ING1: variants seen among roughly 807,000 people sequenced by gnomAD.
ING1 encodes inhibitor of growth protein 1.
ING1 carries 4 observed loss-of-function variants against 23.1 expected under a neutral mutation model. The observed-to-expected ratio is 0.17, with a 90% confidence interval of 0.09 to 0.40. The LOEUF (loss-of-function observed/expected upper bound fraction) is 0.40, where lower values mean the gene tolerates loss of function less well. Among genes scored for constraint, ING1 ranks in the 10% least tolerant of loss-of-function variants. ING1 has a pLI of 1.00. For missense variants in ING1, 256 were observed against 393.8 expected (o/e 0.65, Z 2.96); for synonymous variants, 179 against 166.4 (o/e 1.08, Z -0.58).
rs749470681 is a variant in ING1, at chr13:110,715,857, AT to A, written c.136+1575del. On this transcript the variant is annotated intron_variant, in intron 1 of 1. Transcript: ENST00000333219. Reference sequence around the variant, plus strand: ...TCAGCCCGGCCACTTTCGGGCGCGGATTTATAGCAGTAGCAGTGATCCCGGG... The same window carrying A: ...TCAGCCCGGCCACTTTCGGGCGCGGATTATAGCAGTAGCAGTGATCCCGGG... 4.1e-5 allele frequency: 65 copies of A among 1,595,260 alleles called. No individual in the cohort carries two copies. The Middle Eastern group carries it at 8.8e-4, about 21-fold the overall frequency.
intron 1 of ING1, 118 bp downstream of exon 1, chr13:110,714,403 C>A: frequency 2.0e-6 from 2 of 1,015,550 alleles, no homozygotes; most frequent in Non-Finnish European, 2.6e-6. Flanking sequence ...TCCGCAGCGG[C>A]GGCCCTCGGC....
At chr13:110,718,711 A>T (rs1423818420) in intron 1 of ING1, among the ~76,000 whole-genome samples, 2 of 151,844 alleles carry the variant, frequency 1.3e-5, no homozygotes, top group African/African-American at 4.8e-5. Context: ...AAATATTCAA[A>T]TAATTTATAA....
At chr13:110,713,453 C>T, upstream of ING1, 5 of 991,528 alleles carry the variant, frequency 5.0e-6, no homozygotes, top group Non-Finnish European at 6.0e-6. Flanking sequence ...AAAGTTTGCG[C>T]CTCGCCCGCC....
At position 110,721,864 on chromosome 13, in the gene ING1, G is replaced by A. The variant is rs1229555735; in HGVS notation, c.*1932G>A. On this transcript the variant is annotated 3_prime_UTR_variant, in exon 2 of 2. Transcript: ENST00000333219. ...TGGGATTACAGGCGTGAGCCACCGT[G>A]CGCTGAGTGATACGTGGTTCCCTTT... The A allele has an allele frequency of 6.6e-6, 1 of 152,200 alleles. No individual in the cohort carries two copies. Among genetic ancestry groups the A allele is most frequent in the Non-Finnish European group, 1.5e-5 (1 of 68,064 alleles). 9.4% of individuals were successfully genotyped at this position (152,200 alleles called of 1,614,324 possible). A position where few individuals can be genotyped will look rare whatever the true frequency, so the allele number is the denominator to read the frequency against.
chr13:110,715,917 C>G lies in ING1; in HGVS notation c.136+1632C>G, dbSNP rs780325410. 6 of 1,573,088 alleles carry G rather than the reference C, an allele frequency of 3.8e-6. No individual in the cohort carries two copies. The highest frequency in any genetic ancestry group is 4.3e-6 in the Non-Finnish European group (5 of 1,166,136). The stretch of plus-strand genomic sequence containing the variant: ...CTCGGGGCCGGGGCTGCAGTTCGGA[C>G]CGCCTCCCGCGACCCGCGGGGCCGG... On this transcript the variant is annotated intron_variant, in intron 1 of 1. Transcript: ENST00000333219.
chr13:110,714,395 C>G, intron 1 of ING1, 110 bp downstream of exon 1: 1 of 1,086,984 alleles, frequency 9.2e-7, no homozygotes, highest in Non-Finnish European at 1.2e-6. Flanking sequence ...CGGCCGGCTC[C>G]GCAGCGGCGG....
rs758358823 is a variant in ING1, at chr13:110,716,049, G to A, written c.136+1764G>A. 10 of 1,475,184 alleles carry A rather than the reference G, an allele frequency of 6.8e-6. No homozygotes were observed. In the South Asian group the frequency reaches 1.3e-4, roughly 18 times the overall value. 91.4% of individuals were successfully genotyped at this position (1,475,184 alleles called of 1,614,324 possible). ...TGCGTCCACGAGGGGGACCCTCGGC[G>A]CAGAAACTTTTCTGGAAGGTGCTGT... On this transcript the variant is annotated intron_variant, in intron 1 of 1. Transcript: ENST00000333219.
rs2064150369 is a variant in ING1 at position 110,719,249 on chromosome 13, G to A, written c.157G>A (p.Glu53Lys). Residue 53 changes from glutamate to lysine, a missense_variant, in exon 2 of 2, where the codon GAG becomes AAG. Glu to Lys is a moderately conservative substitution (Grantham distance 56). Around this residue, in one of 3 missense-constraint regions of ING1, gnomAD observed 209 missense variants for 273.8 expected, o/e 0.76. Transcript: ENST00000333219. The surrounding 1 kb of genome is among the most constrained non-coding windows in gnomAD (Gnocchi z 8.9). Reference sequence around the variant, plus strand: ...CCCAGAGATCCTGAAGGAGCTAGACGAGTGCTACGAGCGCTTCAGTCGCGA... The same window carrying A: ...CCCAGAGATCCTGAAGGAGCTAGACAAGTGCTACGAGCGCTTCAGTCGCGA... ...KYQEILKELDECYERFSRETD... is the reference protein window; with the variant it reads ...KYQEILKELDKCYERFSRETD... The A allele has an allele frequency of 6.2e-7, 1 of 1,613,170 alleles. No individual in the cohort carries two copies. Among genetic ancestry groups the A allele is most frequent in the Non-Finnish European group, 8.5e-7 (1 of 1,179,946 alleles).
At chr13:110,717,602 G>A (rs1488528987) in intron 1 of ING1, among the ~76,000 whole-genome samples, 1 of 152,144 alleles carries the variant, frequency 6.6e-6, no homozygotes. Flanking sequence ...CGAGGCGGGC[G>A]GATCACCTGA....
chr13:110,714,074 G>C lies in ING1; in HGVS notation c.-76G>C. The C allele has an allele frequency of 7.0e-7, 1 of 1,437,242 alleles. No individual in the cohort carries two copies. The highest frequency in any genetic ancestry group is 9.2e-7 in the Non-Finnish European group (1 of 1,091,466). 89.0% of individuals were successfully genotyped at this position (1,437,242 alleles called of 1,614,324 possible). A position where few individuals can be genotyped will look rare whatever the true frequency, so the allele number is the denominator to read the frequency against. On this transcript the variant is annotated 5_prime_UTR_variant, in exon 1 of 2. Transcript: ENST00000333219. ...GAGCGAGGGCTTTGCATTTTGCAGT[G>C]CTATTTTTTGAGGGGGGCGGGGGGT...
Position 110,715,316 on chromosome 13 carries a change from C to T in ING1, c.136+1031C>T, listed in dbSNP as rs944846035. 28 of 1,429,532 alleles carry T rather than the reference C, an allele frequency of 2.0e-5. No homozygotes were observed. The African/African-American group carries it at 2.6e-4, about 13-fold the overall frequency. 88.6% of individuals were successfully genotyped at this position (1,429,532 alleles called of 1,614,324 possible). A position where few individuals can be genotyped will look rare whatever the true frequency, so the allele number is the denominator to read the frequency against. ...AAATTGACCGCTATCCCCGAAAGTA[C>T]TAGACGCCTCTGCCGGGAAGGCGCC... On this transcript the variant is annotated intron_variant, in intron 1 of 1. Coordinates refer to ENST00000333219, the MANE Select transcript of ING1 (RefSeq NM_198219.3).
chr13:110,713,011 AAAG>A, upstream of ING1: 1 of 1,530,204 alleles, frequency 6.5e-7, no homozygotes, highest in African/African-American at 1.4e-5. Context: ...GCCGCAGCTC[AAAG>A]GACACCGAGA....
intron 1 of ING1, among the ~76,000 whole-genome samples, chr13:110,714,580 C>T (rs1021508228): frequency 5.3e-5 from 7 of 132,316 alleles, no homozygotes; most frequent in Non-Finnish European, 8.1e-5. Flanking sequence ...GGGGAGGGGG[C>T]GGCGGGTCCA....
rs1318662044 is a variant in ING1, at chr13:110,715,744, G to A, written c.136+1459G>A. On this transcript the variant is annotated intron_variant, in intron 1 of 1. Coordinates refer to ENST00000333219, the MANE Select transcript of ING1 (RefSeq NM_198219.3). ...CAAATCGGCGATTCCCATAGGCGGC[G>A]GCTCTCGGGGTGCGGGGCGAGTCTC... 1.9e-6 allele frequency: 3 copies of A among 1,582,704 alleles called. No homozygotes were observed. The South Asian group carries it at 3.4e-5, about 18-fold the overall frequency.
In ING1 at chr13:110,713,838, G is replaced by A. The variant is rs1484881749; in HGVS notation, c.-312G>A. 2 of 983,180 alleles carry A rather than the reference G, an allele frequency of 2.0e-6. No homozygotes were observed. Among genetic ancestry groups the A allele is most frequent in the Non-Finnish European group, 2.4e-6 (2 of 829,060 alleles). The allele number at this position is 983,180 out of a possible 1,614,324, so 60.9% of individuals were successfully genotyped here. On this transcript the variant is annotated 5_prime_UTR_variant, in exon 1 of 2. Transcript: ENST00000333219. ...CCGCGGCGCTGGGCCCTCTCCCGCC[G>A]GTGTGTGCGCGCTCGTACGCGCGGC...
Position 110,721,844 on chromosome 13 carries a change from T to G in ING1, c.*1912T>G, listed in dbSNP as rs1374207363. The G allele has an allele frequency of 6.6e-6, 1 of 152,232 alleles. No individual in the cohort carries two copies. The highest frequency in any genetic ancestry group is 2.4e-5 in the African/African-American group (1 of 41,434). The allele number at this position is 152,232 out of a possible 1,614,324, so 9.4% of individuals were successfully genotyped here. ...ACCTCGGCCTCCCACAGTGCTGGGA[T>G]TACAGGCGTGAGCCACCGTGCGCTG... On this transcript the variant is annotated 3_prime_UTR_variant, in exon 2 of 2. Transcript: ENST00000333219.
Position 110,719,019 on chromosome 13 carries a change from T to TTTGTGTTGTGTTGTC in ING1, c.137-196_137-195insCTTGTGTTGTGTTGT, listed in dbSNP as rs2064147445. Among the ~76,000 whole-genome samples, 1 of 148,448 alleles carries TTTGTGTTGTGTTGTC rather than the reference T, an allele frequency of 6.7e-6. No homozygotes were observed. Among genetic ancestry groups the TTTGTGTTGTGTTGTC allele is most frequent in the African/African-American group, 2.5e-5 (1 of 39,796 alleles). ...TGCCGCTGTGGAAGCTGGGCCGGCATTTGTGTTGTGTTGTGTTGTGTTGTG... is the reference window on the plus strand; with the variant it reads ...TGCCGCTGTGGAAGCTGGGCCGGCATTTGTGTTGTGTTGTCTTGTGTTGTGTTGTGTTGTGTTGTG... On this transcript the variant is annotated intron_variant, in intron 1 of 1. Coordinates refer to ENST00000333219, the MANE Select transcript of ING1 (RefSeq NM_198219.3). This position sits in a 1 kb window ranked among gnomAD's most constrained non-coding sequence, Gnocchi z 8.9.
At chr13:110,713,119 C>T (rs572952972), upstream of ING1, 9 of 1,430,574 alleles carry the variant, frequency 6.3e-6, no homozygotes, top group Non-Finnish European at 8.2e-6. Context: ...TAGTAAGAGT[C>T]CGGGGGGCAT....
chr13:110,714,711 C>T (rs750289434), intron 1 of ING1, among the ~76,000 whole-genome samples: 7 of 152,320 alleles, frequency 4.6e-5, no homozygotes, highest in Admixed American at 1.3e-4. Context: ...GCCGGGGTTC[C>T]CGCGGACCCG....
Sources: gnomAD v4.1 joint callset for allele counts (sites outside exome capture counted in the v4.1 genomes callset) on GRCh38, gnomAD v4.1.1 for gene constraint, gnomAD v4.1.1 regional missense constraint, Gnocchi (gnomAD v3.1) non-coding constraint, MANE v1.5 for transcripts, NCBI Gene and HGNC (gene_info 2026-07-23, HGNC 2026-07-21) for gene names.